MCM9: variants seen among roughly 807,000 people sequenced by gnomAD.
MCM9 encodes the protein DNA helicase MCM9.
Under a neutral mutation model 72.8 loss-of-function variants are expected in MCM9, and 55 were observed. The ratio of observed to expected loss-of-function variants is 0.76; its 90% CI spans 0.61 to 0.95. MCM9 has a LOEUF of 0.95. Ranked by LOEUF, MCM9 falls within the 40% of genes least tolerant of loss-of-function variation. The pLI is 0.00. For missense variants in MCM9, 1,279 were observed against 1,377.0 expected (o/e 0.93, Z 1.13); for synonymous variants, 480 against 503.4 (o/e 0.95, Z 0.62).
chr6:118,898,616 C>T (rs904752964), intron 8 of MCM9, among the ~76,000 whole-genome samples: 2 of 152,086 alleles, frequency 1.3e-5, no homozygotes, highest in Admixed American at 1.3e-4. Flanking sequence ...TGGGGTTTCA[C>T]CATGTTTGCC....
In MCM9 at chr6:118,863,165, A is replaced by G. The variant is rs1777005930; in HGVS notation, c.1151-6620T>C. On this transcript the variant is annotated intron_variant, in intron 8 of 13. Transcript: ENST00000619706. The stretch of plus-strand genomic sequence containing the variant: ...TAATAGAAACAACGTATTTAATTGT[A>G]TATGCATAGGTATATATACATGTTT... 2.0e-5 allele frequency among the ~76,000 whole-genome samples: 3 copies of G among 152,224 alleles called. No homozygotes were observed. The South Asian group carries it at 6.2e-4, about 31-fold the overall frequency.
In MCM9 at chr6:118,815,301, C is replaced by G; in HGVS notation, c.2955G>C (p.Gln985His). 6.4e-7 allele frequency: 1 copy of G among 1,550,650 alleles called. No homozygotes were observed. Among genetic ancestry groups the G allele is most frequent in the Non-Finnish European group, 8.7e-7 (1 of 1,146,942 alleles). Reference protein sequence around the residue: ...TSTPGNQISSQPQGETKEVSQ... With the variant: ...TSTPGNQISSHPQGETKEVSQ... ...ACACCTCCTTTGTCTCACCCTGTGG[C>G]TGACTGGAGATCTGGTTTCCTGGGG... The change falls in exon 14 of 14, where the codon CAG (glutamine) becomes CAC (histidine). Residue 985 changes from glutamine (Q) to histidine (H), a missense_variant. Transcript: ENST00000619706.
At position 118,868,163 on chromosome 6, in the gene MCM9, C is replaced by T. The variant is rs1777347346; in HGVS notation, c.1151-11618G>A. On this transcript the variant is annotated intron_variant, in intron 8 of 13. Transcript: ENST00000619706. ...GTGCTGGGATTACAGGTGTGAGCCA[C>T]TGCACTCAGCCAATTAATTATATTT... Among the ~76,000 whole-genome samples, 5 of 152,244 alleles carry T rather than the reference C, an allele frequency of 3.3e-5. No homozygotes were observed. The South Asian group carries it at 1.0e-3, about 32-fold the overall frequency.
At chr6:118,846,041 A>T (rs945844815) in intron 9 of MCM9, among the ~76,000 whole-genome samples, 1 of 151,900 alleles carries the variant, frequency 6.6e-6, no homozygotes, top group Non-Finnish European at 1.5e-5. Flanking sequence ...TTCAGAAATG[A>T]GTAATATACT....
At position 118,828,117 on chromosome 6, in the gene MCM9, T is replaced by C. The variant is rs1245680778; in HGVS notation, c.1542A>G (p.Lys514=). The change falls in exon 11 of 14, where the codon AAA becomes AAG. Residue 514 remains lysine (K), a synonymous_variant. Coordinates refer to ENST00000619706, the MANE Select transcript of MCM9 (RefSeq NM_017696.3). Reference sequence around the variant, plus strand: ...TTTCCATGCTCCAGAGCTTCTCTGATTTGCTTGGGTAACCTGTATGTATCA... The same window carrying C: ...TTTCCATGCTCCAGAGCTTCTCTGACTTGCTTGGGTAACCTGTATGTATCA... The part of the protein sequence containing the change: ...FILENKGYPS[K]SEKLWSMEKM... 3.9e-6 allele frequency: 6 copies of C among 1,550,324 alleles called. No homozygotes were observed. In the Admixed American group the frequency reaches 1.2e-4, roughly 30 times the overall value.
At chr6:118,854,704 T>G (rs903820899) in intron 9 of MCM9, among the ~76,000 whole-genome samples, 2 of 152,246 alleles carry the variant, frequency 1.3e-5, no homozygotes, top group African/African-American at 2.4e-5. Context: ...ACTTCTAGTT[T>G]GCTGAGAACT....
At chr6:118,848,040 G>C (rs1178748786) in intron 9 of MCM9, among the ~76,000 whole-genome samples, 1 of 151,884 alleles carries the variant, frequency 6.6e-6, no homozygotes, top group Admixed American at 6.5e-5. Flanking sequence ...CCCCTCCTAA[G>C]GCATCTGCTA....
At chr6:118,855,559 G>A (rs1311756858) in intron 9 of MCM9, among the ~76,000 whole-genome samples, 1 of 151,944 alleles carries the variant, frequency 6.6e-6, no homozygotes, top group Non-Finnish European at 1.5e-5. Context: ...TTTTGCTGGA[G>A]TATACAAATA....
chr6:118,815,642 C>G lies in MCM9; in HGVS notation c.2614G>C (p.Val872Leu), dbSNP rs1773365877. Residue 872 changes from valine (V) to leucine (L), a missense_variant, in exon 14 of 14, where the codon GTC (valine) becomes CTC (leucine). Transcript: ENST00000619706. ...NSTRVPAQCT[V>L]PSHPQSTPVH... ...GGAGTGGACTGAGGATGGGAAGGGA[C>G]TGTGCACTGTGCAGGCACCCTGGTG... The G allele has an allele frequency of 6.5e-7, 1 of 1,550,214 alleles. No individual in the cohort carries two copies. Among genetic ancestry groups the G allele is most frequent in the African/African-American group, 1.4e-5 (1 of 73,026 alleles).
intron 9 of MCM9, among the ~76,000 whole-genome samples, chr6:118,854,610 C>T (rs1443704382): frequency 1.3e-5 from 2 of 152,244 alleles, no homozygotes; most frequent in Non-Finnish European, 2.9e-5. Flanking sequence ...GCCTTGGCCT[C>T]CCAGAGTGCT....
At chr6:118,866,504 C>G (rs1777225505) in intron 8 of MCM9, among the ~76,000 whole-genome samples, 1 of 152,076 alleles carries the variant, frequency 6.6e-6, no homozygotes. Flanking sequence ...ATAAAATTAT[C>G]AATTGAAAAT....
chr6:118,828,381 A>G (rs983420449), intron 10 of MCM9, among the ~76,000 whole-genome samples: 2 of 151,922 alleles, frequency 1.3e-5, no homozygotes, highest in Non-Finnish European at 2.9e-5. Flanking sequence ...ATAATATTCA[A>G]ATACATCTAT....
At position 118,840,824 on chromosome 6, in the gene MCM9, A is replaced by G. The variant is rs549220150; in HGVS notation, c.1326-11574T>C. On this transcript the variant is annotated intron_variant, in intron 9 of 13. Transcript: ENST00000619706. ...GCAATCACAGCCCACTGCAGCTTCC[A>G]CCTCCTGGGCTCAAGCAAACCTCCC... 2.4e-5 allele frequency among the ~76,000 whole-genome samples: 3 copies of G among 125,816 alleles called. No individual in the cohort carries two copies. The South Asian group carries it at 8.1e-4, about 34-fold the overall frequency. 82.5% of individuals were successfully genotyped at this position (125,816 alleles called of 152,430 possible).
intron 8 of MCM9, among the ~76,000 whole-genome samples, chr6:118,891,893 C>T (rs909508741): frequency 6.6e-6 from 1 of 152,190 alleles, no homozygotes; most frequent in South Asian, 2.1e-4. Flanking sequence ...CCATGCAGCC[C>T]TCCAAACATT....
chr6:118,907,770 G>A lies in MCM9; in HGVS notation c.1150+3880C>T, dbSNP rs116091423. The A allele has an allele frequency of 1.9e-3, 1,127 of 585,190 alleles. 10 individuals carry two copies. Among genetic ancestry groups the A allele is most frequent in the African/African-American group, 0.018 (981 of 53,794 alleles). The allele number at this position is 585,190 out of a possible 1,614,324, so 36.2% of individuals were successfully genotyped here. ...AAGAAAACCAGTATTTGAACAAATT[G>A]TGGAATATAAATACAACTATTTTTA... is the stretch of plus-strand genomic sequence containing the variant. On this transcript the variant is annotated intron_variant, in intron 8 of 13. Transcript: ENST00000619706.
At chr6:118,912,536 CAG>C (rs1206219503) in intron 7 of MCM9, 1 of 152,172 alleles carries the variant, frequency 6.6e-6, no homozygotes, top group East Asian at 1.9e-4. Context: ...CAACATTTGG[CAG>C]AGTGCCTTGC....
chr6:118,931,565 T>A lies in MCM9; in HGVS notation c.159A>T (p.Glu53Asp). Residue 53 changes from glutamate (E) to aspartate (D), a missense_variant, in exon 3 of 14, where the codon GAA becomes GAT. Coordinates refer to ENST00000619706, the MANE Select transcript of MCM9 (RefSeq NM_017696.3). ...NAMTLFETNMEIGEYFNMFPS... is the reference protein window; with the variant it reads ...NAMTLFETNMDIGEYFNMFPS... Reference sequence around the variant, plus strand: ...GGAACATGTTGAAATATTCCCCGATTTCCATGTTGGTCTCAAACAGAGTCA... The same window carrying A: ...GGAACATGTTGAAATATTCCCCGATATCCATGTTGGTCTCAAACAGAGTCA... 1 of 1,614,182 alleles carries A rather than the reference T, an allele frequency of 6.2e-7. No individual in the cohort carries two copies. Among genetic ancestry groups the A allele is most frequent in the Non-Finnish European group, 8.5e-7 (1 of 1,180,028 alleles).
At position 118,931,635 on chromosome 6, in the gene MCM9, T is replaced by G. The variant is rs1782438966; in HGVS notation, c.89A>C (p.Lys30Thr). 6.2e-7 allele frequency: 1 copy of G among 1,614,156 alleles called. No homozygotes were observed. The highest frequency in any genetic ancestry group is 8.5e-7 in the Non-Finnish European group (1 of 1,180,026). Residue 30 changes from lysine (K) to threonine (T), a missense_variant, in exon 3 of 14, where the codon AAG (lysine) becomes ACG (threonine). Coordinates refer to ENST00000619706, the MANE Select transcript of MCM9 (RefSeq NM_017696.3). The part of the protein sequence containing the change: ...YHKNDILLIL[K>T]ERDEDAHYPV... ...GTAATGAGCATCTTCATCCCTTTCC[T>G]TCAAGATTAGAAGAATATCATTCTT...
intron 8 of MCM9, 99 bp downstream of exon 8, chr6:118,911,550 CT>C: frequency 7.0e-7 from 1 of 1,420,594 alleles, no homozygotes. Context: ...CAAAAATTAG[CT>C]TGAAATTTAT....
Sources: gnomAD v4.1 joint callset for allele counts (sites outside exome capture counted in the v4.1 genomes callset) on GRCh38, gnomAD v4.1.1 for gene constraint, MANE v1.5 for transcripts, NCBI Gene and HGNC (gene_info 2026-07-23, HGNC 2026-07-21) for gene names.